WDFY3: variants seen among roughly 807,000 people sequenced by gnomAD.
WDFY3 encodes the protein WD repeat and FYVE domain containing 3, also known as WD repeat and FYVE domain-containing protein 3.
A neutral mutation model predicts 409.6 loss-of-function variants in WDFY3; 66 were observed. That is an observed-to-expected ratio of 0.16 (90% CI 0.13 to 0.20). The LOEUF (loss-of-function observed/expected upper bound fraction) is 0.20. Ranked by LOEUF, WDFY3 falls within the 10% of genes least tolerant of loss-of-function variation. WDFY3 has a pLI of 1.00. For missense variants in WDFY3, 3,031 were observed against 4,298.1 expected, an observed-to-expected ratio of 0.71 and a Z score of 8.24; for synonymous variants, 1,521 against 1,537.1, an observed-to-expected ratio of 0.99 and a Z score of 0.25.
Position 84,950,902 on chromosome 4 carries a change from A to T in WDFY3, c.-226+15307T>A, listed in dbSNP as rs189483816. Among the ~76,000 whole-genome samples the T allele has an allele frequency of 1.8e-3, 269 of 152,340 alleles. 2 individuals are homozygous for T. The highest frequency in any genetic ancestry group is 0.016 in the Admixed American group (249 of 15,300). On this transcript the variant is annotated intron_variant, in intron 1 of 67. Coordinates refer to ENST00000295888, the MANE Select transcript of WDFY3 (RefSeq NM_014991.6). ...AAAGTGTCAAATGTACTCAGCTTAT[A>T]CTGCAATACAATCACTGCAGAATGT... is the stretch of plus-strand genomic sequence containing the variant.
chr4:84,757,233 AAGT>A (rs1450980342), intron 32 of WDFY3, 72 bp from the exon 33 acceptor site: 1 of 1,374,822 alleles, frequency 7.3e-7, no homozygotes, highest in Non-Finnish European at 1.0e-6. Context: ...ACAAAGAAGG[AAGT>A]AATTCAGTAT....
At chr4:84,905,596 T>C (rs1766938801) in intron 2 of WDFY3, among the ~76,000 whole-genome samples, 1 of 152,238 alleles carries the variant, frequency 6.6e-6, no homozygotes, top group African/African-American at 2.4e-5. Flanking sequence ...TCTTATTATT[T>C]TCCTGCTTTC....
At chr4:84,832,865 T>A (rs1271261709) in intron 7 of WDFY3, among the ~76,000 whole-genome samples, 1 of 152,172 alleles carries the variant, frequency 6.6e-6, no homozygotes, top group East Asian at 1.9e-4. Context: ...ATTTTTAGTT[T>A]GCCACTGGCG....
At chr4:84,844,464 GTT>G in intron 5 of WDFY3, 1 of 1,289,620 alleles carries the variant, frequency 7.8e-7, no homozygotes, top group Non-Finnish European at 1.0e-6. Context: ...ACCTGAAGGT[GTT>G]GTGGCTTTGA....
chr4:84,814,021 T>C (rs949690690), intron 13 of WDFY3, among the ~76,000 whole-genome samples: 3 of 152,122 alleles, frequency 2.0e-5, no homozygotes, highest in African/African-American at 7.2e-5. Context: ...TCATTACCAA[T>C]GAAACATTTA....
intron 24 of WDFY3, among the ~76,000 whole-genome samples, chr4:84,784,064 C>T (rs1415392389): frequency 6.6e-6 from 1 of 152,138 alleles, no homozygotes; most frequent in African/African-American, 2.4e-5. Context: ...TTACTGTGAC[C>T]ACTTAAGTCA....
At chr4:84,945,411 C>T (rs746152404) in intron 1 of WDFY3, among the ~76,000 whole-genome samples, 20 of 152,230 alleles carry the variant, frequency 1.3e-4, no homozygotes, top group Non-Finnish European at 2.1e-4. Flanking sequence ...GAATTTGTCT[C>T]TGCCAGCACC....
intron 1 of WDFY3, among the ~76,000 whole-genome samples, chr4:84,940,013 T>C (rs1423758899): frequency 6.6e-6 from 1 of 152,126 alleles, no homozygotes; most frequent in South Asian, 2.1e-4. Flanking sequence ...GCTTAAAACA[T>C]CATGAACTCA....
At chr4:84,826,564 A>C (rs1754895065) in intron 10 of WDFY3, among the ~76,000 whole-genome samples, 1 of 152,212 alleles carries the variant, frequency 6.6e-6, no homozygotes, top group African/African-American at 2.4e-5. Context: ...TTTGAATGTT[A>C]AAAAATACTG....
chr4:84,787,518 T>C lies in WDFY3; in HGVS notation c.3865A>G (p.Asn1289Asp). 1.2e-6 allele frequency: 2 copies of C among 1,614,162 alleles called. No individual in the cohort carries two copies. The highest frequency in any genetic ancestry group is 1.7e-6 in the Non-Finnish European group (2 of 1,180,024). Residue 1289 changes from asparagine to aspartate, a missense_variant, in exon 23 of 68, where the codon AAT (asparagine) becomes GAT (aspartate). This residue lies in a region of WDFY3 where 1,322 missense variants were observed against 1,697.9 expected (regional missense o/e 0.78). Coordinates refer to ENST00000295888, the MANE Select transcript of WDFY3 (RefSeq NM_014991.6). Reference sequence around the variant, plus strand: ...ACAGCCTGAAAGCTTCCAACATAATTTGGTCCAAGTTCATAAATGGTAGTA... The same window carrying C: ...ACAGCCTGAAAGCTTCCAACATAATCTGGTCCAAGTTCATAAATGGTAGTA... ...NVTTIYELGP[N>D]YVGSFQAVCM... is the part of the protein sequence containing the mutation.
intron 1 of WDFY3, among the ~76,000 whole-genome samples, chr4:84,964,467 T>C (rs1775360285): frequency 6.6e-6 from 1 of 152,180 alleles, no homozygotes; most frequent in African/African-American, 2.4e-5. Context: ...AGACCCTGTC[T>C]CTAAAAAAAG....
chr4:84,940,519 A>G (rs965449024), intron 1 of WDFY3, among the ~76,000 whole-genome samples: 1 of 152,018 alleles, frequency 6.6e-6, no homozygotes, highest in African/African-American at 2.4e-5. Flanking sequence ...CTCTGGCCCC[A>G]TTACCTCTCA....
chr4:84,844,323 C>A (rs367894656), intron 5 of WDFY3: 3 of 446,604 alleles, frequency 6.7e-6, no homozygotes, highest in Admixed American at 7.7e-5. Flanking sequence ...AATGAAGACA[C>A]GAAGCCCTAA....
intron 21 of WDFY3, among the ~76,000 whole-genome samples, chr4:84,793,802 C>T (rs1748918871): frequency 6.6e-6 from 1 of 152,140 alleles, no homozygotes; most frequent in African/African-American, 2.4e-5. Context: ...AATTAAAAGA[C>T]TAACATTCAT....
intron 4 of WDFY3, among the ~76,000 whole-genome samples, chr4:84,850,908 A>G (rs372091192): frequency 1.7e-5 from 1 of 59,204 alleles, no homozygotes; most frequent in South Asian, 6.4e-4. Context: ...AATAATTCTT[A>G]TTTTTAATTT....
At chr4:84,692,682 C>G (rs1268969381) in intron 59 of WDFY3, among the ~76,000 whole-genome samples, 1 of 150,260 alleles carries the variant, frequency 6.7e-6, no homozygotes, top group Admixed American at 6.6e-5. Context: ...TGAAGTCCAA[C>G]AAGCCAAAAA....
intron 44 of WDFY3, among the ~76,000 whole-genome samples, chr4:84,732,243 T>C (rs1449796205): frequency 3.9e-5 from 6 of 152,196 alleles, no homozygotes; most frequent in Non-Finnish European, 2.9e-5. Context: ...GACCTACGCA[T>C]ATTATTATTT....
chr4:84,756,307 G>A (rs897235168), intron 33 of WDFY3, among the ~76,000 whole-genome samples: 3 of 152,060 alleles, frequency 2.0e-5, no homozygotes, highest in African/African-American at 7.2e-5. Flanking sequence ...ATGACAGGCT[G>A]GACACAGTGG....
At chr4:84,687,683 CAAT>C (rs1045582767) in intron 62 of WDFY3, 11 of 153,340 alleles carry the variant, frequency 7.2e-5, no homozygotes, top group African/African-American at 2.7e-4. Context: ...ACTTCAAAAA[CAAT>C]GAGTCATTTT....
Sources: gnomAD v4.1 joint callset for allele counts (sites outside exome capture counted in the v4.1 genomes callset) on GRCh38, gnomAD v4.1.1 for gene constraint, gnomAD v4.1.1 regional missense constraint, MANE v1.5 for transcripts, NCBI Gene and HGNC (gene_info 2026-07-23, HGNC 2026-07-21) for gene names.